Variants in CNTN3 observed in about 807,000 individuals in gnomAD.
CNTN3 encodes the protein contactin-3.
Under a neutral mutation model 119.1 loss-of-function variants are expected in CNTN3, and 60 were observed. The ratio of observed to expected loss-of-function variants is 0.50; its 90% CI spans 0.41 to 0.62. CNTN3 has a LOEUF of 0.62. CNTN3 is among the 20% of genes least tolerant of loss of function. CNTN3 has a pLI of 0.00. For synonymous variants in CNTN3, 450 were observed against 438.7 expected (o/e 1.03, Z -0.32); for missense variants, 1,101 against 1,242.4 (o/e 0.89, Z 1.71).
intron 1 of CNTN3, among the ~76,000 whole-genome samples, chr3:74,559,037 CTAAA>C (rs1704112456): frequency 6.8e-6 from 1 of 147,850 alleles, no homozygotes; most frequent in South Asian, 2.1e-4. Flanking sequence ...ATTTTACTAA[CTAAA>C]TAACCTAAGG....
intron 13 of CNTN3, among the ~76,000 whole-genome samples, chr3:74,318,125 C>T (rs866593148): frequency 8.5e-5 from 13 of 152,178 alleles, no homozygotes; most frequent in South Asian, 2.1e-4. Flanking sequence ...TCCAGTTGAT[C>T]GCATCAGCTC....
At position 74,521,165 on chromosome 3, in the gene CNTN3, TG is replaced by T; in HGVS notation, c.-54del. On this transcript the variant is annotated 5_prime_UTR_variant, in exon 2 of 23. Transcript: ENST00000263665. ...CTTGTCCAGTCTCTGATGAATAGAATGCTTTCTCTTCAGGTAAATCCTTTAA... is the reference window on the plus strand; with the variant it reads ...CTTGTCCAGTCTCTGATGAATAGAATCTTTCTCTTCAGGTAAATCCTTTAA... The T allele has an allele frequency of 9.6e-7, 1 of 1,041,512 alleles. No individual in the cohort carries two copies. The highest frequency in any genetic ancestry group is 1.6e-5 in the South Asian group (1 of 64,088). The allele number at this position is 1,041,512 out of a possible 1,614,324, so 64.5% of individuals were successfully genotyped here.
intron 20 of CNTN3, among the ~76,000 whole-genome samples, chr3:74,280,688 G>A (rs12492560): frequency 0.27 from 41,574 of 152,144 alleles, 6,232 homozygotes; most frequent in East Asian, 0.52. Context: ...GGCACTGACT[G>A]TGATTACTTA....
intron 5 of CNTN3, among the ~76,000 whole-genome samples, chr3:74,388,487 G>GA (rs1704814148): frequency 6.6e-6 from 1 of 151,408 alleles, no homozygotes; most frequent in Non-Finnish European, 1.5e-5. Context: ...TTAAAAAAAG[G>GA]AAAAACACAA....
chr3:74,327,899 T>C (rs1703169573), intron 13 of CNTN3, among the ~76,000 whole-genome samples: 2 of 151,814 alleles, frequency 1.3e-5, no homozygotes, highest in Non-Finnish European at 2.9e-5. Flanking sequence ...TACATTTCTT[T>C]TTTATCTCTT....
chr3:74,417,772 T>C (rs950297823), intron 5 of CNTN3, among the ~76,000 whole-genome samples: 6 of 152,234 alleles, frequency 3.9e-5, no homozygotes, highest in African/African-American at 7.2e-5. Context: ...TATATGTCAA[T>C]TGATTCAGAA....
chr3:74,571,388 C>T (rs919960491), intron 1 of CNTN3, among the ~76,000 whole-genome samples: 1 of 152,126 alleles, frequency 6.6e-6, no homozygotes, highest in African/African-American at 2.4e-5. Flanking sequence ...GCAGCCTGGG[C>T]ATTGGGCTTA....
intron 1 of CNTN3, among the ~76,000 whole-genome samples, chr3:74,595,865 A>G (rs560459632): frequency 1.3e-5 from 2 of 152,258 alleles, no homozygotes; most frequent in African/African-American, 4.8e-5. Flanking sequence ...GAAGGAAATA[A>G]AGGGTATTCA....
At chr3:74,309,039 G>A (rs568790093) in intron 13 of CNTN3, among the ~76,000 whole-genome samples, 14 of 152,192 alleles carry the variant, frequency 9.2e-5, no homozygotes, top group East Asian at 1.9e-4. Context: ...AGATTAGCAC[G>A]TATTAGAAAA....
At chr3:74,366,590 T>A (rs1426371645) in intron 8 of CNTN3, among the ~76,000 whole-genome samples, 1 of 151,836 alleles carries the variant, frequency 6.6e-6, no homozygotes, top group Non-Finnish European at 1.5e-5. Flanking sequence ...ATCCTCCATA[T>A]GGAGAAACAG....
chr3:74,340,734 G>C (rs1703513428), intron 11 of CNTN3, among the ~76,000 whole-genome samples: 1 of 152,052 alleles, frequency 6.6e-6, no homozygotes, highest in Non-Finnish European at 1.5e-5. Context: ...AGATAGAATG[G>C]GAAGCTTCAA....
intron 1 of CNTN3, among the ~76,000 whole-genome samples, chr3:74,585,657 T>C (rs918540724): frequency 2.0e-5 from 3 of 152,288 alleles, no homozygotes; most frequent in South Asian, 2.1e-4. Context: ...ATAGTAAGTA[T>C]ATATACACTT....
chr3:74,324,742 T>C (rs76175999), intron 13 of CNTN3, among the ~76,000 whole-genome samples: 1,660 of 152,042 alleles, frequency 0.011, 14 homozygotes, highest in Middle Eastern at 0.02. Flanking sequence ...AGAAAACTAA[T>C]GAAAATTCTT....
At chr3:74,513,332 T>C (rs1304169547) in intron 2 of CNTN3, among the ~76,000 whole-genome samples, 1 of 152,160 alleles carries the variant, frequency 6.6e-6, no homozygotes, top group Non-Finnish European at 1.5e-5. Context: ...AGTTGCCTGA[T>C]GCCTTAAGTT....
intron 13 of CNTN3, among the ~76,000 whole-genome samples, chr3:74,324,305 G>C (rs890583706): frequency 6.6e-6 from 1 of 151,572 alleles, no homozygotes; most frequent in African/African-American, 2.4e-5. Flanking sequence ...TCTGCCTCCC[G>C]GGTTCAAGCG....
intron 3 of CNTN3, 63 bp from the exon 4 acceptor site, chr3:74,486,694 T>C (rs912145453): frequency 4.0e-5 from 53 of 1,327,868 alleles, no homozygotes; most frequent in Middle Eastern, 3.8e-4. Context: ...AGGCTCTCCA[T>C]TATAAAATCT....
chr3:74,545,522 C>CTA (rs1484532792), intron 1 of CNTN3, among the ~76,000 whole-genome samples: 2 of 152,126 alleles, frequency 1.3e-5, no homozygotes, highest in African/African-American at 4.8e-5. Flanking sequence ...ACAGACATCA[C>CTA]TATAATTATT....
intron 4 of CNTN3, among the ~76,000 whole-genome samples, chr3:74,427,089 C>G (rs1307725217): frequency 2.0e-5 from 3 of 152,224 alleles, no homozygotes; most frequent in Non-Finnish European, 4.4e-5. Flanking sequence ...TGGCACAGAT[C>G]TGCCCATTGG....
intron 13 of CNTN3, among the ~76,000 whole-genome samples, chr3:74,332,778 A>G (rs1396085146): frequency 6.6e-6 from 1 of 152,232 alleles, no homozygotes; most frequent in Non-Finnish European, 1.5e-5. Context: ...AATTATCTTC[A>G]TTATAATGGC....
Sources: gnomAD v4.1 joint callset for allele counts (sites outside exome capture counted in the v4.1 genomes callset) on GRCh38, gnomAD v4.1.1 for gene constraint, MANE v1.5 for transcripts, NCBI Gene and HGNC (gene_info 2026-07-23, HGNC 2026-07-21) for gene names.